The following CARMIL2 variants were observed in gnomAD, a reference collection of about 807,000 sequenced individuals.
CARMIL2 encodes the protein capping protein, Arp2/3 and myosin-I linker protein 2.
CARMIL2 carries 96 observed loss-of-function variants against 173.3 expected under a neutral mutation model. The observed-to-expected ratio is 0.55, with a 90% CI of 0.47 to 0.66. The LOEUF is 0.66. CARMIL2 is among the 30% of genes least tolerant of loss of function. The pLI, the probability that CARMIL2 is intolerant of heterozygous loss-of-function variation, is 0.00. For missense variants in CARMIL2, 1,771 were observed against 1,906.7 expected (o/e 0.93, Z 1.33); for synonymous variants, 830 against 817.1 (o/e 1.02, Z -0.27).
Position 67,648,134 on chromosome 16 carries a change from G to A in CARMIL2, c.1154G>A (p.Arg385Lys). 7 of 1,612,902 alleles carry A rather than the reference G, an allele frequency of 4.3e-6. No homozygotes were observed. The highest frequency in any genetic ancestry group is 5.1e-6 in the Non-Finnish European group (6 of 1,179,544). Residue 385 changes from arginine to lysine, a missense_variant, in exon 14 of 38, where the codon AGG (arginine) becomes AAG (lysine). By Grantham distance (26) the Arg-to-Lys change is conservative. This residue lies in a region of CARMIL2 where 944 missense variants were observed against 975.6 expected (regional missense o/e 0.97). Transcript: ENST00000334583. The surrounding 1 kb of genome is among the most constrained non-coding windows in gnomAD (Gnocchi z 6.1). Reference sequence around the variant, plus strand: ...ACCGACACTGCCCTGGACACTGTGAGGGGGTGCTCCGTGGGGGGATGGATG... The same window carrying A: ...ACCGACACTGCCCTGGACACTGTGAAGGGGTGCTCCGTGGGGGGATGGATG... ...AGTDTALDTV[R>K]GCSVGGWMTG... is the part of the protein sequence containing the mutation.
Position 67,656,846 on chromosome 16 carries a change from T to A in CARMIL2, c.4082T>A (p.Val1361Glu), listed in dbSNP as rs2052871519. The change falls in exon 36 of 38, where the codon GTG becomes GAG. Residue 1361 changes from valine to glutamate, a missense_variant. Coordinates refer to ENST00000334583, the MANE Select transcript of CARMIL2 (RefSeq NM_001013838.3). ...CCTCTCTCGGCAGGGCGGCGAGCAG[T>A]GTCTGTGCATGAGGACCAGCTCCAG... Reference protein sequence around the residue: ...PRPLSAGRRAVSVHEDQLQAP... With the variant: ...PRPLSAGRRAESVHEDQLQAP... 6.4e-7 allele frequency: 1 copy of A among 1,550,404 alleles called. No individual in the cohort carries two copies. The highest frequency in any genetic ancestry group is 1.2e-5 in the South Asian group (1 of 84,068).
At position 67,649,723 on chromosome 16, in the gene CARMIL2, G is replaced by C. The variant is rs73597582; in HGVS notation, c.1920-83G>C. ...GAATGAGGCGGAGCAAATGGAGCAG[G>C]CTGACGAGGCGAATGGACTAGGCCG... On this transcript the variant is annotated intron_variant, in intron 20 of 37. Coordinates refer to ENST00000334583, the MANE Select transcript of CARMIL2 (RefSeq NM_001013838.3). The surrounding 1 kb of genome is among the most constrained non-coding windows in gnomAD (Gnocchi z 6.7). The C allele has an allele frequency of 5.7e-6, 9 of 1,568,432 alleles. No homozygotes were observed. Among genetic ancestry groups the C allele is most frequent in the Non-Finnish European group, 7.8e-6 (9 of 1,156,404 alleles).
At position 67,646,962 on chromosome 16, in the gene CARMIL2, C is replaced by G; in HGVS notation, c.600C>G (p.His200Gln). 6.2e-7 allele frequency: 1 copy of G among 1,613,372 alleles called. No individual in the cohort carries two copies. Among genetic ancestry groups the G allele is most frequent in the Non-Finnish European group, 8.5e-7 (1 of 1,179,766 alleles). Residue 200 changes from histidine to glutamine, a missense_variant, in exon 8 of 38, where the codon CAC becomes CAG. His to Gln is a conservative substitution (Grantham distance 24, BLOSUM62 0). This residue lies in a region of CARMIL2 where 944 missense variants were observed against 975.6 expected (regional missense o/e 0.97). Transcript: ENST00000334583. The surrounding 1 kb of genome is among the most constrained non-coding windows in gnomAD (Gnocchi z 4.6). ...CRHFSLGDFS[H>Q]LGSRDLALSV... Reference sequence around the variant, plus strand: ...ATTTCAGCCTGGGAGACTTCAGCCACCTCGGCAGTCGGTGTGTGGCCTGCC... The same window carrying G: ...ATTTCAGCCTGGGAGACTTCAGCCAGCTCGGCAGTCGGTGTGTGGCCTGCC...
Position 67,654,612 on chromosome 16 carries a change from T to C in CARMIL2, c.3502T>C (p.Tyr1168His), listed in dbSNP as rs562068269. The change falls in exon 31 of 38, where the codon TAC becomes CAC. Residue 1168 changes from tyrosine to histidine, a missense_variant. Tyr to His is a moderately conservative substitution (Grantham distance 83). Transcript: ENST00000334583. Reference protein sequence around the residue: ...PDPAGRSRPRYTRDSKAYSMI... With the variant: ...PDPAGRSRPRHTRDSKAYSMI... ...CCCTGCCGGCAGGAGCCGACCTCGC[T>C]ACACAAGAGATAGCAAGGCCTACTC... 3.1e-5 allele frequency: 50 copies of C among 1,602,208 alleles called. 2 individuals carry two copies. The South Asian group carries it at 5.1e-4, about 16-fold the overall frequency.
Position 67,651,906 on chromosome 16 carries a change from C to T in CARMIL2, c.2589-15C>T, listed in dbSNP as rs567159384. ...CAAAGCCAGCCCATTAACCCCTGTCCTCTCCTGCCCTTAGGGACATGCGGC... is the reference window on the plus strand; with the variant it reads ...CAAAGCCAGCCCATTAACCCCTGTCTTCTCCTGCCCTTAGGGACATGCGGC... On this transcript the variant is annotated splice_polypyrimidine_tract_variant and intron_variant, in intron 25 of 37. Transcript: ENST00000334583. The surrounding 1 kb of genome is among the most constrained non-coding windows in gnomAD (Gnocchi z 4.2). 6.2e-7 allele frequency: 1 copy of T among 1,613,338 alleles called. No individual in the cohort carries two copies. The highest frequency in any genetic ancestry group is 1.1e-5 in the South Asian group (1 of 91,086).
rs1343918009 is a variant in CARMIL2, at chr16:67,646,039, C to G, written c.208C>G (p.Leu70Val). The change falls in exon 4 of 38, where the codon CTG becomes GTG. Residue 70 changes from leucine (L) to valine (V), a missense_variant. Coordinates refer to ENST00000334583, the MANE Select transcript of CARMIL2 (RefSeq NM_001013838.3). The surrounding 1 kb of genome is among the most constrained non-coding windows in gnomAD (Gnocchi z 4.6). Reference protein sequence around the residue: ...PLRVDCTFSYLEVQAMALQET... With the variant: ...PLRVDCTFSYVEVQAMALQET... Reference sequence around the variant, plus strand: ...CTAGGTGGACTGCACGTTCAGCTACCTGGAGGTCCAGGCCATGGCGCTGCA... The same window carrying G: ...CTAGGTGGACTGCACGTTCAGCTACGTGGAGGTCCAGGCCATGGCGCTGCA... 1 of 1,613,816 alleles carries G rather than the reference C, an allele frequency of 6.2e-7. No individual in the cohort carries two copies. The highest frequency in any genetic ancestry group is 1.7e-5 in the Admixed American group (1 of 60,032).
At position 67,651,164 on chromosome 16, in the gene CARMIL2, G is replaced by A. The variant is rs1382459644; in HGVS notation, c.2185-23G>A. The A allele has an allele frequency of 1.2e-6, 2 of 1,609,182 alleles. No homozygotes were observed. The highest frequency in any genetic ancestry group is 1.7e-6 in the Non-Finnish European group (2 of 1,177,976). The stretch of plus-strand genomic sequence containing the variant: ...GGAGACTGGGAGGGGGCTAGGCTGA[G>A]ACTGATCCCCATTTCGCCCCAGGAA... On this transcript the variant is annotated intron_variant, in intron 22 of 37. Transcript: ENST00000334583. This position sits in a 1 kb window ranked among gnomAD's most constrained non-coding sequence, Gnocchi z 4.2.
Position 67,651,602 on chromosome 16 carries a change from A to G in CARMIL2, c.2428-83A>G. The G allele has an allele frequency of 6.4e-7, 1 of 1,569,480 alleles. No homozygotes were observed. Among genetic ancestry groups the G allele is most frequent in the Non-Finnish European group, 8.6e-7 (1 of 1,157,800 alleles). ...TTTAACTGTGATATCCCCTGACTCA[A>G]TATTCTGTTGGAGTTGGAGCCTCAA... is the stretch of plus-strand genomic sequence containing the variant. On this transcript the variant is annotated intron_variant, in intron 24 of 37. Transcript: ENST00000334583. The surrounding 1 kb of genome is among the most constrained non-coding windows in gnomAD (Gnocchi z 4.2).
Position 67,654,483 on chromosome 16 carries a change from C to A in CARMIL2, c.3373C>A (p.Pro1125Thr). The change falls in exon 31 of 38, where the codon CCC (proline) becomes ACC (threonine). Residue 1125 changes from proline to threonine, a missense_variant. Physicochemically the swap from Pro to Thr is conservative, Grantham distance 38 (BLOSUM62 -1). Coordinates refer to ENST00000334583, the MANE Select transcript of CARMIL2 (RefSeq NM_001013838.3). ...TCTAGAGACCAGCCCTGGGGCAGCT[C>A]CCCGAACCCGAAAAACTACATTTGG... ...TDLETSPGAA[P>T]RTRKTTFGDL... 2 of 1,612,856 alleles carry A rather than the reference C, an allele frequency of 1.2e-6. No individual in the cohort carries two copies. The highest frequency in any genetic ancestry group is 1.1e-5 in the South Asian group (1 of 90,964).
In CARMIL2 at chr16:67,652,210, G is replaced by A. The variant is rs2052739254; in HGVS notation, c.2688G>A (p.Leu896=). 2 of 1,612,570 alleles carry A rather than the reference G, an allele frequency of 1.2e-6. No homozygotes were observed. Among genetic ancestry groups the A allele is most frequent in the Middle Eastern group, 1.7e-4 (1 of 6,044 alleles). Residue 896 remains leucine, a synonymous_variant, in exon 27 of 38, where the codon CTG becomes CTA. Transcript: ENST00000334583. This position sits in a 1 kb window ranked among gnomAD's most constrained non-coding sequence, Gnocchi z 4.7. ...SAARDQLVES[L]AQQATVTMPP... ...GCTTGGTATTGCAGGTGGAGAGTCT[G>A]GCTCAGCAGGCAACAGTGACAATGC...
Position 67,651,645 on chromosome 16 carries a change from T to TG in CARMIL2, c.2428-38dup, listed in dbSNP as rs1199421415. On this transcript the variant is annotated intron_variant, in intron 24 of 37. Coordinates refer to ENST00000334583, the MANE Select transcript of CARMIL2 (RefSeq NM_001013838.3). The surrounding 1 kb of genome is among the most constrained non-coding windows in gnomAD (Gnocchi z 4.2). ...AGCCTCAAGCCAGCAGCCTGGTGTC[T>TG]GGCCACATCCTCACCATGCTCTGAC... 1 of 1,596,028 alleles carries TG rather than the reference T, an allele frequency of 6.3e-7. No individual in the cohort carries two copies. The highest frequency in any genetic ancestry group is 1.8e-5 in the Admixed American group (1 of 56,922).
Position 67,652,045 on chromosome 16 carries a change from C to T in CARMIL2, c.2676+37C>T. The T allele has an allele frequency of 6.2e-7, 1 of 1,608,464 alleles. No individual in the cohort carries two copies. Among genetic ancestry groups the T allele is most frequent in the Non-Finnish European group, 8.5e-7 (1 of 1,175,472 alleles). The stretch of plus-strand genomic sequence containing the variant: ...ATGTGCACACACTTTCGTGCAAACA[C>T]ACACATGCAGTGACTTGGCCATCTC... On this transcript the variant is annotated intron_variant, in intron 26 of 37. Coordinates refer to ENST00000334583, the MANE Select transcript of CARMIL2 (RefSeq NM_001013838.3). This position sits in a 1 kb window ranked among gnomAD's most constrained non-coding sequence, Gnocchi z 4.7.
Position 67,654,392 on chromosome 16 carries a change from GC to G in CARMIL2, c.3283del (p.Arg1095GlufsTer23), listed in dbSNP as rs1305913720. Reference protein sequence around the residue: ...GGATPVPRTLRKKLGTLFAFK... With the variant: ...GGATPVPRTLXKKLGTLFAFK... ...GCGCCACTCCTGTCCCCCGTACACT[GC>G]GAAAGAAGCTGGGCACCCTCTTTGC... On this transcript the variant is annotated frameshift_variant, in exon 31 of 38. Coordinates refer to ENST00000334583, the MANE Select transcript of CARMIL2 (RefSeq NM_001013838.3). LOFTEE classifies it high-confidence loss of function. 1 of 1,608,778 alleles carries G rather than the reference GC, an allele frequency of 6.2e-7. No homozygotes were observed. Among genetic ancestry groups the G allele is most frequent in the African/African-American group, 1.3e-5 (1 of 74,958 alleles).
chr16:67,656,395 G>T (rs749807721), intron 34 of CARMIL2, 29 bp from the exon 35 acceptor site: 5 of 1,609,648 alleles, frequency 3.1e-6, no homozygotes, highest in Non-Finnish European at 4.2e-6. Flanking sequence ...TGCCTGACCA[G>T]GTCTTGGCTG....
In CARMIL2 at chr16:67,646,403, C is replaced by A. The variant is rs1383900290; in HGVS notation, c.375-23C>A. ...CCCAGAGGCTGGAAGTCCTTTGCCCCCTTCTCCTTAACCCCCTACCAGGAA... is the reference window on the plus strand; with the variant it reads ...CCCAGAGGCTGGAAGTCCTTTGCCCACTTCTCCTTAACCCCCTACCAGGAA... On this transcript the variant is annotated intron_variant, in intron 5 of 37. Coordinates refer to ENST00000334583, the MANE Select transcript of CARMIL2 (RefSeq NM_001013838.3). This position sits in a 1 kb window ranked among gnomAD's most constrained non-coding sequence, Gnocchi z 4.6. 3.1e-6 allele frequency: 5 copies of A among 1,610,926 alleles called. No individual in the cohort carries two copies. Among genetic ancestry groups the A allele is most frequent in the Non-Finnish European group, 4.2e-6 (5 of 1,178,230 alleles).
At position 67,648,812 on chromosome 16, in the gene CARMIL2, G is replaced by C; in HGVS notation, c.1509+58G>C. On this transcript the variant is annotated intron_variant, in intron 16 of 37. Coordinates refer to ENST00000334583, the MANE Select transcript of CARMIL2 (RefSeq NM_001013838.3). The surrounding 1 kb of genome is among the most constrained non-coding windows in gnomAD (Gnocchi z 6.1). ...TGGGAGAGGCGCTGGGAGGCGGAAG[G>C]GCAGGGCCGTGGGCCGCCTGCCCCT... 2 of 1,567,014 alleles carry C rather than the reference G, an allele frequency of 1.3e-6. No homozygotes were observed. The highest frequency in any genetic ancestry group is 1.7e-6 in the Non-Finnish European group (2 of 1,156,252).
chr16:67,646,466 C>T lies in CARMIL2; in HGVS notation c.415C>T (p.Arg139Trp), dbSNP rs778815940. Residue 139 changes from arginine (R) to tryptophan (W), a missense_variant, in exon 6 of 38, where the codon CGG becomes TGG. Arg to Trp is a moderately radical substitution (Grantham distance 101, BLOSUM62 -3). Around this residue, in one of 3 missense-constraint regions of CARMIL2, gnomAD observed 944 missense variants for 975.6 expected, o/e 0.97. Coordinates refer to ENST00000334583, the MANE Select transcript of CARMIL2 (RefSeq NM_001013838.3). The surrounding 1 kb of genome is among the most constrained non-coding windows in gnomAD (Gnocchi z 4.6). ...RRPTPASMLA[R>W]LERSSPSEST... ...GCCCACACCAGCCTCCATGCTGGCT[C>T]GGCTGGAGAGAAGCAGCCCCTCGGA... 2.8e-5 allele frequency: 45 copies of T among 1,613,482 alleles called. 1 individual carries two copies. The highest frequency in any genetic ancestry group is 1.1e-4 in the South Asian group (10 of 91,066).
chr16:67,656,801 A>C lies in CARMIL2; in HGVS notation c.4037A>C (p.Asp1346Ala). The C allele has an allele frequency of 6.4e-7, 1 of 1,551,224 alleles. No individual in the cohort carries two copies. Among genetic ancestry groups the C allele is most frequent in the Non-Finnish European group, 8.7e-7 (1 of 1,147,106 alleles). The change falls in exon 36 of 38, where the codon GAT becomes GCT. Residue 1346 changes from aspartate (D) to alanine (A), a missense_variant and splice_region_variant. Physicochemically the swap from Asp to Ala is moderately radical, Grantham distance 126. Around this residue, in one of 3 missense-constraint regions of CARMIL2, gnomAD observed 817 missense variants for 903.5 expected, o/e 0.90. Coordinates refer to ENST00000334583, the MANE Select transcript of CARMIL2 (RefSeq NM_001013838.3). Reference sequence around the variant, plus strand: ...CCCCTGATTCCCTGGCCTCCCTCAGATGGCCAGCTGAGGCCGAGGCCTCTC... The same window carrying C: ...CCCCTGATTCCCTGGCCTCCCTCAGCTGGCCAGCTGAGGCCGAGGCCTCTC... ...EDPCLGPRNEDGQLRPRPLSA... is the reference protein window; with the variant it reads ...EDPCLGPRNEAGQLRPRPLSA...
chr16:67,649,526 C>T lies in CARMIL2; in HGVS notation c.1826C>T (p.Pro609Leu). The change falls in exon 20 of 38, where the codon CCT becomes CTT. Residue 609 changes from proline to leucine, a missense_variant. Physicochemically the swap from Pro to Leu is moderately conservative, Grantham distance 98. Transcript: ENST00000334583. This position sits in a 1 kb window ranked among gnomAD's most constrained non-coding sequence, Gnocchi z 6.7. ...CTACTCCGGGCCCTAGCCACCAATC[C>T]TAACCTGACCGCGCTGGATATCAGC... ...SVLLRALATNPNLTALDISGN... is the reference protein window; with the variant it reads ...SVLLRALATNLNLTALDISGN... 1 of 1,607,430 alleles carries T rather than the reference C, an allele frequency of 6.2e-7. No homozygotes were observed. The highest frequency in any genetic ancestry group is 8.5e-7 in the Non-Finnish European group (1 of 1,179,870).
Sources: gnomAD v4.1 joint callset for allele counts on GRCh38, gnomAD v4.1.1 for gene constraint, gnomAD v4.1.1 regional missense constraint, Gnocchi (gnomAD v3.1) non-coding constraint, MANE v1.5 for transcripts, NCBI Gene and HGNC (gene_info 2026-07-23, HGNC 2026-07-21) for gene names.